Variants in WWC2 observed in about 807,000 individuals in gnomAD.
The protein encoded by WWC2 is WW and C2 domain containing 2.
In WWC2, 101 loss-of-function variants were observed where a neutral mutation model predicts 138.5. The observed-to-expected ratio is 0.73, with a 90% CI of 0.62 to 0.86. The LOEUF is 0.86. Ranked by LOEUF, WWC2 falls within the 40% of genes least tolerant of loss-of-function variation. The pLI is 0.00. For missense variants in WWC2, 1,420 were observed against 1,419.4 expected (o/e 1.00, Z -0.01); for synonymous variants, 558 against 538.4 (o/e 1.04, Z -0.50).
intron 1 of WWC2, among the ~76,000 whole-genome samples, chr4:183,152,919 G>C (rs1733685652): frequency 6.6e-6 from 1 of 151,940 alleles, no homozygotes; most frequent in Non-Finnish European, 1.5e-5. Context: ...TAATAGAGTT[G>C]GGTTCTTGCT....
At chr4:183,177,054 G>C (rs945347499) in intron 1 of WWC2, among the ~76,000 whole-genome samples, 1 of 152,134 alleles carries the variant, frequency 6.6e-6, no homozygotes, top group Non-Finnish European at 1.5e-5. Flanking sequence ...GGACCACAGT[G>C]GTGGACAAAA....
chr4:183,265,650 C>G, intron 12 of WWC2, 38 bp from the exon 13 acceptor site: 1 of 1,567,514 alleles, frequency 6.4e-7, no homozygotes, highest in African/African-American at 1.3e-5. Context: ...ATCGATAACC[C>G]CATTAATTAA....
intron 16 of WWC2, among the ~76,000 whole-genome samples, chr4:183,280,236 T>G (rs1373472650): frequency 1.4e-5 from 2 of 145,170 alleles, no homozygotes; most frequent in Non-Finnish European, 3.0e-5. Context: ...GCTGTTTTTT[T>G]TTTTTTTTTT....
intron 1 of WWC2, among the ~76,000 whole-genome samples, chr4:183,128,393 A>G (rs755272925): frequency 2.0e-5 from 3 of 152,000 alleles, no homozygotes; most frequent in Non-Finnish European, 4.4e-5. Flanking sequence ...ACATGCCTGT[A>G]GTCTCAGCTA....
chr4:183,180,487 AT>A (rs1259718219), intron 1 of WWC2, among the ~76,000 whole-genome samples: 2 of 152,052 alleles, frequency 1.3e-5, no homozygotes, highest in Non-Finnish European at 2.9e-5. Context: ...CTTGAAGTCT[AT>A]TTTATTTTAT....
At chr4:183,220,660 C>T (rs954400869) in intron 4 of WWC2, among the ~76,000 whole-genome samples, 10 of 151,808 alleles carry the variant, frequency 6.6e-5, no homozygotes, top group African/African-American at 2.4e-4. Context: ...CAGTGAAACG[C>T]CATCTCTACT....
chr4:183,294,854 T>A (rs899634285), intron 21 of WWC2, among the ~76,000 whole-genome samples: 2 of 152,176 alleles, frequency 1.3e-5, no homozygotes, highest in African/African-American at 4.8e-5. Context: ...AGAGTGACCT[T>A]TGTTTTCTCC....
At chr4:183,196,192 T>A (rs1735136577) in intron 2 of WWC2, among the ~76,000 whole-genome samples, 1 of 152,164 alleles carries the variant, frequency 6.6e-6, no homozygotes, top group Admixed American at 6.5e-5. Context: ...TGCAGAACCG[T>A]GAGTTAATTA....
At chr4:183,277,694 C>T (rs1737907097) in intron 16 of WWC2, among the ~76,000 whole-genome samples, 1 of 143,074 alleles carries the variant, frequency 7.0e-6, no homozygotes, top group African/African-American at 2.6e-5. Flanking sequence ...GAGATGGTAT[C>T]TCATTGTGGT....
chr4:183,118,865 CTGTG>C (rs1326287626), intron 1 of WWC2, among the ~76,000 whole-genome samples: 1 of 151,944 alleles, frequency 6.6e-6, no homozygotes, highest in Non-Finnish European at 1.5e-5. Context: ...CAAAAAGAAG[CTGTG>C]TGTAGTGGTT....
intron 21 of WWC2, among the ~76,000 whole-genome samples, chr4:183,297,809 T>C (rs1738687468): frequency 6.6e-6 from 1 of 152,216 alleles, no homozygotes; most frequent in African/African-American, 2.4e-5. Flanking sequence ...TGCTGCCTGC[T>C]TGCTCCCTTG....
chr4:183,260,767 A>G (rs2111356385), intron 10 of WWC2, 143 bp from the exon 11 acceptor site: 3 of 1,119,916 alleles, frequency 2.7e-6, no homozygotes, highest in Non-Finnish European at 3.7e-6. Flanking sequence ...CGGCCGTAAT[A>G]TAGGGAGTTC....
rs375916610 is a variant in WWC2, at chr4:183,123,005, A to C, written c.131+23383A>C. ...ATTTCCATGACATTTACCAAAATTAATAGGCCTAACAACATCAGGTATGGA... is the reference window on the plus strand; with the variant it reads ...ATTTCCATGACATTTACCAAAATTACTAGGCCTAACAACATCAGGTATGGA... On this transcript the variant is annotated intron_variant, in intron 1 of 22. Coordinates refer to ENST00000403733, the MANE Select transcript of WWC2 (RefSeq NM_024949.6). 6.6e-5 allele frequency among the ~76,000 whole-genome samples: 10 copies of C among 152,354 alleles called. No individual in the cohort carries two copies. In the East Asian group the frequency reaches 1.5e-3, roughly 23 times the overall value.
chr4:183,238,682 C>G (rs949810944), intron 4 of WWC2, among the ~76,000 whole-genome samples: 1 of 152,208 alleles, frequency 6.6e-6, no homozygotes, highest in Non-Finnish European at 1.5e-5. Context: ...GTGAGCCCCA[C>G]TAACCCTCTC....
chr4:183,215,203 G>A (rs927725128), intron 4 of WWC2, among the ~76,000 whole-genome samples: 33 of 152,212 alleles, frequency 2.2e-4, no homozygotes, highest in African/African-American at 7.5e-4. Context: ...AAATTGAACA[G>A]TCATCGCATT....
chr4:183,296,314 G>A (rs1229942741), intron 21 of WWC2, among the ~76,000 whole-genome samples: 1 of 152,192 alleles, frequency 6.6e-6, no homozygotes, highest in Non-Finnish European at 1.5e-5. Flanking sequence ...CTTAGATGGT[G>A]TAAAAACTGG....
chr4:183,288,900 A>G (rs924963940), intron 20 of WWC2, among the ~76,000 whole-genome samples: 4 of 152,216 alleles, frequency 2.6e-5, no homozygotes, highest in Non-Finnish European at 5.9e-5. Context: ...TGTGTCCTGA[A>G]ATGGAGGAAA....
chr4:183,290,390 C>A (rs2111078177), intron 21 of WWC2, among the ~76,000 whole-genome samples: 1 of 152,022 alleles, frequency 6.6e-6, no homozygotes, highest in Admixed American at 6.5e-5. Context: ...TGGTGGTGTG[C>A]CCCTGTAATC....
At chr4:183,258,947 A>G (rs1369598418) in intron 9 of WWC2, among the ~76,000 whole-genome samples, 1 of 150,182 alleles carries the variant, frequency 6.7e-6, no homozygotes, top group Non-Finnish European at 1.5e-5. Flanking sequence ...TCAAGTATAC[A>G]GTTCTATAAT....
Sources: gnomAD v4.1 joint callset for allele counts (sites outside exome capture counted in the v4.1 genomes callset) on GRCh38, gnomAD v4.1.1 for gene constraint, MANE v1.5 for transcripts, NCBI Gene and HGNC (gene_info 2026-07-23, HGNC 2026-07-21) for gene names.